NAPB: variants seen among roughly 807,000 people sequenced by gnomAD.
The protein encoded by NAPB is beta-soluble NSF attachment protein.
In NAPB, 26 loss-of-function variants were observed where a neutral mutation model predicts 44.7. The ratio of observed to expected loss-of-function variants is 0.58; its 90% CI spans 0.43 to 0.81. NAPB has a LOEUF of 0.81. Among genes scored for constraint, NAPB ranks in the 30% least tolerant of loss-of-function variants. The pLI, the probability that NAPB is intolerant of heterozygous loss-of-function variation, is 0.00. For missense variants in NAPB, 315 were observed against 356.4 expected, an observed-to-expected ratio of 0.88 and a Z score of 0.94; for synonymous variants, 120 against 116.8, an observed-to-expected ratio of 1.03 and a Z score of -0.18.
intron 7 of NAPB, 106 bp from the exon 8 acceptor site, chr20:23,381,423 G>T: frequency 1.5e-6 from 1 of 652,264 alleles, no homozygotes; most frequent in Non-Finnish European, 2.5e-6. Flanking sequence ...TCTTATGTTT[G>T]TTTAGCTATG....
At chr20:23,388,257 T>TCA (rs377151020) in intron 7 of NAPB, among the ~76,000 whole-genome samples, 9 of 151,314 alleles carry the variant, frequency 5.9e-5, no homozygotes, top group Non-Finnish European at 1.3e-4. Context: ...ACATACACAC[T>TCA]CACACACACA....
intron 7 of NAPB, among the ~76,000 whole-genome samples, chr20:23,389,228 AT>A (rs200757848): frequency 3.8e-5 from 4 of 105,398 alleles, no homozygotes; most frequent in Admixed American, 1.0e-4. Flanking sequence ...GGTGACTATT[AT>A]TTAAAAAAAA....
rs1463962041 is a variant in NAPB at position 23,389,990 on chromosome 20, C to A, written c.517G>T (p.Ala173Ser). 10 of 1,614,036 alleles carry A rather than the reference C, an allele frequency of 6.2e-6. No individual in the cohort carries two copies. Among genetic ancestry groups the A allele is most frequent in the African/African-American group, 1.3e-5 (1 of 74,936 alleles). The change falls in exon 7 of 11, where the codon GCC (alanine) becomes TCC (serine). Residue 173 changes from alanine (A) to serine (S), a missense_variant. By Grantham distance (99) the Ala-to-Ser change is moderately conservative. Coordinates refer to ENST00000377026, the MANE Select transcript of NAPB (RefSeq NM_022080.3). ...KCLLKVAAYA[A>S]QLEQYQKAIE... ...GCTTTCTGGTACTGCTCAAGCTGGGCAGCATATGCTGCCACCTTCAGCAGA... is the reference window on the plus strand; with the variant it reads ...GCTTTCTGGTACTGCTCAAGCTGGGAAGCATATGCTGCCACCTTCAGCAGA...
At chr20:23,396,267 C>T (rs1984354736) in intron 3 of NAPB, among the ~76,000 whole-genome samples, 1 of 152,194 alleles carries the variant, frequency 6.6e-6, no homozygotes, top group Admixed American at 6.5e-5. Context: ...TGATGCATTA[C>T]AATGTTACCA....
intron 2 of NAPB, among the ~76,000 whole-genome samples, chr20:23,402,213 TC>T (rs1370821797): frequency 6.6e-6 from 1 of 151,916 alleles, no homozygotes; most frequent in East Asian, 1.9e-4. Context: ...AGAGGGCGAG[TC>T]CCACTTCCAA....
chr20:23,400,750 G>C (rs1269190799), intron 2 of NAPB, among the ~76,000 whole-genome samples: 1 of 152,106 alleles, frequency 6.6e-6, no homozygotes, highest in Non-Finnish European at 1.5e-5. Context: ...ATGCAACATG[G>C]ATAGAACTTC....
intron 1 of NAPB, among the ~76,000 whole-genome samples, chr20:23,417,592 T>C (rs1568625315): frequency 6.6e-6 from 1 of 152,184 alleles, no homozygotes; most frequent in African/African-American, 2.4e-5. Context: ...CAAAATTCCA[T>C]AGCTCATCCC....
intron 1 of NAPB, among the ~76,000 whole-genome samples, chr20:23,407,726 C>T (rs1406144298): frequency 3.3e-5 from 5 of 149,342 alleles, no homozygotes; most frequent in African/African-American, 1.0e-4. Context: ...GCTTCACGGC[C>T]AGAAGGGTCT....
Position 23,378,129 on chromosome 20 carries a change from T to C in NAPB, c.787-643A>G, listed in dbSNP as rs1446227215. Among the ~76,000 whole-genome samples the C allele has an allele frequency of 4.1e-5, 6 of 146,052 alleles. No individual in the cohort carries two copies. In the East Asian group the frequency reaches 1.2e-3, roughly 30 times the overall value. On this transcript the variant is annotated intron_variant, in intron 10 of 10. Coordinates refer to ENST00000377026, the MANE Select transcript of NAPB (RefSeq NM_022080.3). ...AGTTAAGAGACCAGCCTGGGCAACA[T>C]GGTGAAACCTTGTCTCAACAAAAAA...
chr20:23,396,446 AAC>A (rs1450874316), intron 3 of NAPB, among the ~76,000 whole-genome samples: 2 of 152,256 alleles, frequency 1.3e-5, no homozygotes, highest in African/African-American at 2.4e-5. Context: ...AAAAAGGAAA[AAC>A]ACAAAATTTC....
At chr20:23,386,815 C>T (rs1214893455) in intron 7 of NAPB, among the ~76,000 whole-genome samples, 1 of 152,120 alleles carries the variant, frequency 6.6e-6, no homozygotes, top group African/African-American at 2.4e-5. Flanking sequence ...AATCTGTACC[C>T]GTTTGCTGTA....
At chr20:23,417,831 A>T (rs1986111524) in intron 1 of NAPB, among the ~76,000 whole-genome samples, 1 of 152,044 alleles carries the variant, frequency 6.6e-6, no homozygotes, top group African/African-American at 2.4e-5. Context: ...AGGAATATTG[A>T]TACCTTACCT....
intron 7 of NAPB, among the ~76,000 whole-genome samples, chr20:23,384,313 G>T (rs1344685280): frequency 2.6e-5 from 4 of 152,224 alleles, no homozygotes; most frequent in Non-Finnish European, 5.9e-5. Flanking sequence ...TATAATCCTG[G>T]CACTTTGGGG....
At chr20:23,408,526 T>C (rs564467607) in intron 1 of NAPB, among the ~76,000 whole-genome samples, 3 of 152,388 alleles carry the variant, frequency 2.0e-5, no homozygotes, top group Non-Finnish European at 4.4e-5. Flanking sequence ...TGTGATATTA[T>C]AGGCTCTATA....
At chr20:23,418,032 A>G (rs778984003) in intron 1 of NAPB, among the ~76,000 whole-genome samples, 15 of 152,238 alleles carry the variant, frequency 9.9e-5, no homozygotes, top group South Asian at 2.1e-4. Context: ...AGAACTCATG[A>G]CAGGCTTTAA....
In NAPB at chr20:23,420,518, C is replaced by A. The variant is rs190246596; in HGVS notation, c.98+787G>T. Reference sequence around the variant, plus strand: ...GCGGGGCCCACCTGCAGGCGGGACGCCCCCAGGTGCGCGTTCCAGGCGCCG... The same window carrying A: ...GCGGGGCCCACCTGCAGGCGGGACGACCCCAGGTGCGCGTTCCAGGCGCCG... On this transcript the variant is annotated intron_variant, in intron 1 of 10. Transcript: ENST00000377026. Among the ~76,000 whole-genome samples, 588 of 152,118 alleles carry A rather than the reference C, an allele frequency of 3.9e-3. 1 individual carries two copies. The highest frequency in any genetic ancestry group is 6.1e-3 in the Non-Finnish European group (416 of 67,928).
intron 7 of NAPB, among the ~76,000 whole-genome samples, chr20:23,386,752 GCTC>G (rs1983559313): frequency 6.6e-6 from 1 of 152,168 alleles, no homozygotes; most frequent in African/African-American, 2.4e-5. Flanking sequence ...ACAACTGAAA[GCTC>G]TTCCTGGAAG....
intron 1 of NAPB, among the ~76,000 whole-genome samples, chr20:23,404,916 G>A (rs963731102): frequency 1.3e-5 from 2 of 152,188 alleles, no homozygotes; most frequent in African/African-American, 2.4e-5. Context: ...CCTTATATAC[G>A]ACTGGGAGGA....
chr20:23,412,053 A>G (rs2424547), intron 1 of NAPB, among the ~76,000 whole-genome samples: 56,710 of 151,968 alleles, frequency 0.37, 10,921 homozygotes, highest in East Asian at 0.63. Context: ...TCTCATTAGA[A>G]CTGTCATAAC....
Sources: allele counts gnomAD v4.1 joint callset (sites outside exome capture counted in the v4.1 genomes callset), GRCh38; gene constraint gnomAD v4.1.1; transcripts MANE v1.5; gene names NCBI Gene and HGNC (gene_info 2026-07-23, HGNC 2026-07-21).